KLHL13: variants seen among roughly 807,000 people sequenced by gnomAD.
KLHL13 encodes the protein kelch like family member 13.
In KLHL13, 10 loss-of-function variants were observed where a neutral mutation model predicts 37.1. That is an observed-to-expected ratio of 0.27 (90% CI 0.17 to 0.46). The LOEUF is 0.46. Among genes scored for constraint, KLHL13 ranks in the 20% least tolerant of loss-of-function variants. The probability of loss-of-function intolerance (pLI) is 1.00; values close to 1 mark genes in which losing one functional copy is unlikely to be tolerated. For synonymous variants in KLHL13, 163 were observed against 181.2 expected (o/e 0.90, Z 0.81); for missense variants, 360 against 509.3 (o/e 0.71, Z 2.82).
intron 1 of KLHL13, among the ~76,000 whole-genome samples, chrX:118,015,823 T>C (rs1237718773): frequency 2.7e-5 from 3 of 111,324 alleles, no homozygotes; most frequent in Non-Finnish European, 5.7e-5. Flanking sequence ...ATAATTCCAA[T>C]GTATAAAAAG....
chrX:117,957,891 CTT>C (rs1437445648), intron 1 of KLHL13, among the ~76,000 whole-genome samples: 1 of 111,591 alleles, frequency 9.0e-6, no homozygotes, highest in Non-Finnish European at 1.9e-5. Flanking sequence ...TCAAATAACT[CTT>C]AACTTTGAGA....
chrX:117,899,117 T>C (rs753983458), exon 7 of KLHL13: 1 of 1,211,724 alleles, frequency 8.3e-7, no homozygotes, highest in Middle Eastern at 2.3e-4. Context: ...TAGATTTTAT[T>C]TTCGAAGACA....
At chrX:118,076,344 G>C (rs1394204272) in intron 1 of KLHL13, among the ~76,000 whole-genome samples, 3 of 111,393 alleles carry the variant, frequency 2.7e-5, no homozygotes, top group African/African-American at 6.5e-5. Flanking sequence ...ATACACAATT[G>C]GGATTTATCT....
At chrX:117,943,247 CT>C (rs1933140410) in intron 2 of KLHL13, among the ~76,000 whole-genome samples, 1 of 111,508 alleles carries the variant, frequency 9.0e-6, no homozygotes, top group Non-Finnish European at 1.9e-5. Context: ...GTCTCTCCAG[CT>C]TCCCTTAACA....
At chrX:118,110,746 A>G (rs1386358394) in intron 1 of KLHL13, among the ~76,000 whole-genome samples, 1 of 111,971 alleles carries the variant, frequency 8.9e-6, no homozygotes, top group Admixed American at 9.5e-5. Flanking sequence ...CTGCAAAAAA[A>G]TAAGTGTCTA....
At chrX:118,030,904 T>C (rs1602666410) in intron 1 of KLHL13, among the ~76,000 whole-genome samples, 2 of 112,035 alleles carry the variant, frequency 1.8e-5, no homozygotes, top group African/African-American at 6.5e-5. Context: ...TACTCTGTTA[T>C]AGCAGCACAA....
At chrX:117,986,572 C>T (rs1318349873) in intron 1 of KLHL13, among the ~76,000 whole-genome samples, 2 of 111,667 alleles carry the variant, frequency 1.8e-5, no homozygotes, top group African/African-American at 6.5e-5. Context: ...CCAACCTACT[C>T]TTCCAGTTTA....
rs183463919 is a variant in KLHL13 at position 118,113,054 on chromosome X, T to C, written c.-56+3454A>G. ...ATTCTTTGAAAAATAAATTCTTAAG[T>C]TGAACAATGATCTGATTTTTAATAA... On this transcript the variant is annotated intron_variant, in intron 1 of 6. Coordinates refer to the KLHL13 transcript ENST00000371882. 8.9e-3 allele frequency among the ~76,000 whole-genome samples: 993 copies of C among 112,148 alleles called. 3 individuals are homozygous for C. The highest frequency in any genetic ancestry group is 0.016 in the Non-Finnish European group (859 of 53,220).
chrX:117,997,971 C>T (rs187550676), intron 1 of KLHL13, among the ~76,000 whole-genome samples: 549 of 111,714 alleles, frequency 4.9e-3, no homozygotes, highest in Non-Finnish European at 7.5e-3. Flanking sequence ...ACTTTCATGT[C>T]CTTGATTTCA....
chrX:118,007,477 G>T (rs974898878), intron 1 of KLHL13, among the ~76,000 whole-genome samples: 3 of 109,683 alleles, frequency 2.7e-5, no homozygotes, highest in African/African-American at 9.9e-5. Context: ...TCAATAATGT[G>T]CCAGGGAAAA....
chrX:117,945,510 G>A (rs1056231947), exon 2 of KLHL13: 2 of 1,204,498 alleles, frequency 1.7e-6, no homozygotes, highest in African/African-American at 1.8e-5. Flanking sequence ...CAAATGGGAT[G>A]AGAGGCCCAT....
chrX:117,919,456 C>G, intron 4 of KLHL13, 65 bp downstream of exon 5: 1 of 908,939 alleles, frequency 1.1e-6, no homozygotes, highest in Non-Finnish European at 1.6e-6. Context: ...CAGCAGATTT[C>G]ATGAGTCCTA....
intron 1 of KLHL13, among the ~76,000 whole-genome samples, chrX:118,092,182 C>A (rs999800957): frequency 1.3e-4 from 15 of 111,480 alleles, no homozygotes; most frequent in African/African-American, 4.9e-4. Context: ...TAATCAAACA[C>A]CACCTGTTCC....
chrX:118,085,256 T>A (rs972968614), intron 1 of KLHL13, among the ~76,000 whole-genome samples: 4 of 110,992 alleles, frequency 3.6e-5, no homozygotes, highest in African/African-American at 1.3e-4. Flanking sequence ...GAAAACGTTA[T>A]GCTAAGGGAA....
chrX:117,971,064 A>G (rs2053515171), intron 1 of KLHL13, among the ~76,000 whole-genome samples: 1 of 111,485 alleles, frequency 9.0e-6, no homozygotes, highest in Admixed American at 9.6e-5. Context: ...AAAGGAAGAA[A>G]GTGATTAATT....
intron 1 of KLHL13, among the ~76,000 whole-genome samples, chrX:118,002,462 G>A (rs964152993): frequency 1.6e-4 from 18 of 109,335 alleles, no homozygotes; most frequent in Non-Finnish European, 3.0e-4. Flanking sequence ...GCGTGGTGCT[G>A]CATGCCTGTA....
intron 1 of KLHL13, among the ~76,000 whole-genome samples, chrX:118,108,649 T>G (rs143565060): frequency 8.9e-6 from 1 of 112,527 alleles, no homozygotes; most frequent in East Asian, 2.8e-4. Flanking sequence ...TATACTATGC[T>G]GTAAATGAAA....
At chrX:118,002,792 T>C (rs2053939570) in intron 1 of KLHL13, among the ~76,000 whole-genome samples, 1 of 110,898 alleles carries the variant, frequency 9.0e-6, no homozygotes, top group Admixed American at 9.6e-5. Context: ...CCCTCACATG[T>C]ATTTCAAAAT....
At chrX:117,985,796 C>A (rs2053718467) in intron 1 of KLHL13, among the ~76,000 whole-genome samples, 1 of 110,193 alleles carries the variant, frequency 9.1e-6, no homozygotes, top group Admixed American at 9.8e-5. Flanking sequence ...CCATAGTTGC[C>A]AGTCATTAAG....
Sources: allele counts gnomAD v4.1 joint callset (sites outside exome capture counted in the v4.1 genomes callset), GRCh38; gene constraint gnomAD v4.1.1; transcripts MANE v1.5; gene names NCBI Gene and HGNC (gene_info 2026-07-23, HGNC 2026-07-21).